Variants in DACH2 observed in about 807,000 individuals in gnomAD.
The protein encoded by DACH2 is dachshund homolog 2.
In DACH2, 17 loss-of-function variants were observed where a neutral mutation model predicts 35.8. The observed-to-expected ratio is 0.48, with a 90% confidence interval of 0.33 to 0.71. The LOEUF is 0.71. DACH2 is among the 30% of genes least tolerant of loss of function. DACH2 has a pLI of 0.02. For synonymous variants in DACH2, 195 were observed against 177.3 expected (o/e 1.10, Z -0.79); for missense variants, 469 against 472.7 (o/e 0.99, Z 0.07).
intron 7 of DACH2, among the ~76,000 whole-genome samples, chrX:86,747,686 G>T (rs1055100093): frequency 4.5e-5 from 5 of 111,862 alleles, no homozygotes; most frequent in Non-Finnish European, 9.4e-5. Flanking sequence ...TACTGGTGGA[G>T]GGCCTTGCCT....
chrX:86,490,062 T>C (rs1375780250), intron 2 of DACH2, among the ~76,000 whole-genome samples: 2 of 112,178 alleles, frequency 1.8e-5, no homozygotes, highest in African/African-American at 6.4e-5. Context: ...AAACTCTTTT[T>C]GTCTGCCACC....
intron 7 of DACH2, among the ~76,000 whole-genome samples, chrX:86,807,521 C>G (rs1472484372): frequency 1.8e-5 from 2 of 111,731 alleles, no homozygotes; most frequent in African/African-American, 6.5e-5. Context: ...TCATTATGCT[C>G]TCTGCTTCCT....
intron 3 of DACH2, among the ~76,000 whole-genome samples, chrX:86,598,330 A>C (rs1269809624): frequency 8.9e-6 from 1 of 111,939 alleles, no homozygotes; most frequent in Non-Finnish European, 1.9e-5. Flanking sequence ...GCTTAAGTAT[A>C]GTCATCATGA....
chrX:86,703,235 C>T (rs760034561), intron 5 of DACH2, among the ~76,000 whole-genome samples: 2 of 110,749 alleles, frequency 1.8e-5, no homozygotes, highest in African/African-American at 6.6e-5. Context: ...ATTATAAAAA[C>T]CCTCAACAAA....
At chrX:86,580,527 G>T (rs1170523752) in intron 3 of DACH2, among the ~76,000 whole-genome samples, 1 of 111,638 alleles carries the variant, frequency 9.0e-6, no homozygotes, top group African/African-American at 3.3e-5. Flanking sequence ...TGACATGGCC[G>T]TTTTAAGAAA....
intron 1 of DACH2, among the ~76,000 whole-genome samples, chrX:86,310,942 A>T (rs1456355491): frequency 9.0e-6 from 1 of 111,330 alleles, no homozygotes; most frequent in Non-Finnish European, 1.9e-5. Context: ...CAAAGAGGCC[A>T]TGGTGGCAGG....
intron 1 of DACH2, among the ~76,000 whole-genome samples, chrX:86,316,814 G>T (rs1339339922): frequency 9.0e-6 from 1 of 110,926 alleles, no homozygotes. Context: ...ACCTTTACAA[G>T]GAGGTTTAGA....
chrX:86,726,962 G>A (rs1468996357), intron 6 of DACH2, among the ~76,000 whole-genome samples: 5 of 112,083 alleles, frequency 4.5e-5, no homozygotes, highest in Non-Finnish European at 7.5e-5. Flanking sequence ...TGTTTGAAAT[G>A]TGAATATCTA....
chrX:86,426,797 T>C (rs1425426428), intron 2 of DACH2, among the ~76,000 whole-genome samples: 1 of 111,690 alleles, frequency 9.0e-6, no homozygotes, highest in Non-Finnish European at 1.9e-5. Context: ...TTTGAGTATT[T>C]CCATTTGCCT....
At chrX:86,767,624 T>C (rs899253001) in intron 7 of DACH2, among the ~76,000 whole-genome samples, 16 of 112,310 alleles carry the variant, frequency 1.4e-4, no homozygotes, top group African/African-American at 4.8e-4. Flanking sequence ...GTATATTCTC[T>C]TTGGCAAATT....
chrX:86,676,961 A>T (rs1282023891), intron 4 of DACH2, among the ~76,000 whole-genome samples: 1 of 111,645 alleles, frequency 9.0e-6, no homozygotes, highest in Non-Finnish European at 1.9e-5. Context: ...AAGAAGTAAC[A>T]ATTCAAAGGC....
At chrX:86,365,727 CAT>C (rs1359193986) in intron 1 of DACH2, among the ~76,000 whole-genome samples, 1 of 111,246 alleles carries the variant, frequency 9.0e-6, no homozygotes, top group Non-Finnish European at 1.9e-5. Context: ...TAAACAAACA[CAT>C]GTCTTCTAAA....
intron 1 of DACH2, among the ~76,000 whole-genome samples, chrX:86,331,791 G>T (rs1020671396): frequency 9.0e-6 from 1 of 111,209 alleles, no homozygotes; most frequent in Admixed American, 9.6e-5. Flanking sequence ...TTTGATATGG[G>T]GAGGAAGATT....
intron 7 of DACH2, among the ~76,000 whole-genome samples, chrX:86,801,406 A>G (rs1185764098): frequency 9.0e-6 from 1 of 111,295 alleles, no homozygotes; most frequent in African/African-American, 3.3e-5. Context: ...CATTGCCTCC[A>G]TATTTTAGCT....
At chrX:86,355,137 A>T (rs1438294953) in intron 1 of DACH2, among the ~76,000 whole-genome samples, 2 of 111,413 alleles carry the variant, frequency 1.8e-5, no homozygotes, top group Non-Finnish European at 3.8e-5. Flanking sequence ...GCTCCCACTT[A>T]TACGTGAACA....
chrX:86,345,113 C>T (rs1160002032), intron 1 of DACH2, among the ~76,000 whole-genome samples: 2 of 111,313 alleles, frequency 1.8e-5, no homozygotes, highest in African/African-American at 6.5e-5. Flanking sequence ...CTTTTTTTCC[C>T]CACAAAAGTG....
intron 1 of DACH2, among the ~76,000 whole-genome samples, chrX:86,231,371 A>G (rs1173952280): frequency 1.9e-5 from 2 of 107,813 alleles, no homozygotes; most frequent in African/African-American, 6.8e-5. Context: ...CGGCTACCAG[A>G]GTGGGTAGGG....
intron 1 of DACH2, among the ~76,000 whole-genome samples, chrX:86,294,551 G>A (rs926854821): frequency 1.8e-5 from 2 of 109,834 alleles, no homozygotes; most frequent in African/African-American, 3.3e-5. Flanking sequence ...CCATCTTTGC[G>A]GTTTTTCCTA....
chrX:86,658,049 A>G (rs908733391), intron 4 of DACH2, among the ~76,000 whole-genome samples: 3 of 111,582 alleles, frequency 2.7e-5, no homozygotes, highest in Non-Finnish European at 5.7e-5. Flanking sequence ...TGTTTTCACA[A>G]TTGAACTAAA....
Sources: allele counts gnomAD v4.1 joint callset (sites outside exome capture counted in the v4.1 genomes callset), GRCh38; gene constraint gnomAD v4.1.1; transcripts MANE v1.5; gene names NCBI Gene and HGNC (gene_info 2026-07-23, HGNC 2026-07-21).